Variants in TMEM117 observed in about 807,000 individuals in gnomAD.
TMEM117 encodes the protein transmembrane protein 117.
In TMEM117, 27 loss-of-function variants were observed where a neutral mutation model predicts 52.4. The observed-to-expected ratio is 0.51, with a 90% confidence interval of 0.38 to 0.71. The LOEUF is 0.71. Among genes scored for constraint, TMEM117 ranks in the 30% least tolerant of loss-of-function variants. TMEM117 has a pLI of 0.00. For synonymous variants in TMEM117, 215 were observed against 206.3 expected, an observed-to-expected ratio of 1.04 and a Z score of -0.36; for missense variants, 556 against 630.5, an observed-to-expected ratio of 0.88 and a Z score of 1.26.
At chr12:43,985,947 C>G (rs1456783784) in intron 3 of TMEM117, among the ~76,000 whole-genome samples, 1 of 152,152 alleles carries the variant, frequency 6.6e-6, no homozygotes, top group African/African-American at 2.4e-5. Context: ...TATAATTCTG[C>G]TATACTTGAA....
the TMEM117 span, among the ~76,000 whole-genome samples, chr12:43,807,987 T>C: frequency 6.6e-6 from 1 of 152,240 alleles, no homozygotes; most frequent in African/African-American, 2.4e-5. Flanking sequence ...ACCAACATCC[T>C]GTGTGACGAG....
chr12:44,345,252 G>A (rs546603359), intron 6 of TMEM117, among the ~76,000 whole-genome samples: 8 of 152,054 alleles, frequency 5.3e-5, no homozygotes, highest in African/African-American at 1.4e-4. Context: ...GTTTTCTGGC[G>A]GGAATATTGA....
intron 2 of TMEM117, among the ~76,000 whole-genome samples, chr12:43,943,006 G>A (rs906875152): frequency 6.6e-6 from 1 of 151,380 alleles, no homozygotes; most frequent in Non-Finnish European, 1.5e-5. Context: ...GTGAAACCCC[G>A]CCTCTACTAA....
chr12:44,123,243 G>GT (rs369011221), intron 3 of TMEM117, among the ~76,000 whole-genome samples: 14,867 of 144,824 alleles, frequency 0.1, 827 homozygotes, highest in Middle Eastern at 0.19. Context: ...TTTTTAATGG[G>GT]GTTTTTTTTT....
intron 5 of TMEM117, among the ~76,000 whole-genome samples, chr12:44,281,035 T>C (rs1223773483): frequency 1.3e-5 from 2 of 152,178 alleles, no homozygotes; most frequent in African/African-American, 4.8e-5. Flanking sequence ...GAATTAGTCT[T>C]AAATAAGTCA....
chr12:44,082,384 A>G (rs1368365733), intron 3 of TMEM117, among the ~76,000 whole-genome samples: 1 of 152,008 alleles, frequency 6.6e-6, no homozygotes, highest in African/African-American at 2.4e-5. Context: ...TATGGGTTCT[A>G]TAGCTACTGT....
intron 5 of TMEM117, among the ~76,000 whole-genome samples, chr12:44,254,863 G>A (rs945505511): frequency 5.9e-5 from 9 of 151,340 alleles, no homozygotes; most frequent in Non-Finnish European, 2.9e-5. Flanking sequence ...CTGTGTCCAT[G>A]TATTCTCATT....
chr12:44,388,757 G>A lies in TMEM117; in HGVS notation c.*85G>A, dbSNP rs914660803. On this transcript the variant is annotated 3_prime_UTR_variant, in exon 8 of 8. Transcript: ENST00000266534. The stretch of plus-strand genomic sequence containing the variant: ...TAGTCTTTCCTTTTGTATATGTAAG[G>A]TTTACGTAGTGTTAGGTAAAAATAT... 5 of 1,435,426 alleles carry A rather than the reference G, an allele frequency of 3.5e-6. No individual in the cohort carries two copies. Among genetic ancestry groups the A allele is most frequent in the Admixed American group, 4.3e-5 (2 of 46,744 alleles). 88.9% of individuals were successfully genotyped at this position (1,435,426 alleles called of 1,614,324 possible).
chr12:44,264,724 G>GA (rs1044392385), intron 5 of TMEM117, among the ~76,000 whole-genome samples: 2 of 151,728 alleles, frequency 1.3e-5, no homozygotes, highest in South Asian at 2.1e-4. Flanking sequence ...AACAGAAAAA[G>GA]AAAAAAATAT....
At chr12:43,805,609 C>T in the TMEM117 span, 1 of 477,218 alleles carries the variant, frequency 2.1e-6, no homozygotes, top group Non-Finnish European at 4.1e-6. Flanking sequence ...TACATGCAAC[C>T]ATACAGATCA....
chr12:43,827,593 CTTCTT>C, the TMEM117 span, among the ~76,000 whole-genome samples: 2 of 152,092 alleles, frequency 1.3e-5, no homozygotes, highest in Non-Finnish European at 2.9e-5. Flanking sequence ...AAGTAAATGA[CTTCTT>C]TTATGTATTT....
At chr12:44,175,743 G>A (rs1191916657) in intron 4 of TMEM117, among the ~76,000 whole-genome samples, 1 of 152,124 alleles carries the variant, frequency 6.6e-6, no homozygotes, top group Non-Finnish European at 1.5e-5. Context: ...GATGGAGGAG[G>A]GGCAGCAGAT....
At chr12:44,000,428 G>A (rs1463311464) in intron 3 of TMEM117, among the ~76,000 whole-genome samples, 1 of 152,150 alleles carries the variant, frequency 6.6e-6, no homozygotes, top group Non-Finnish European at 1.5e-5. Context: ...CTCAGGACTT[G>A]CTCCTCAGAC....
chr12:44,170,816 T>A (rs1337732198), intron 4 of TMEM117, among the ~76,000 whole-genome samples: 2 of 152,172 alleles, frequency 1.3e-5, no homozygotes, highest in Non-Finnish European at 2.9e-5. Flanking sequence ...GCGGAGTACC[T>A]TGTACCCTTC....
chr12:44,093,369 A>G (rs1947706263), intron 3 of TMEM117, among the ~76,000 whole-genome samples: 1 of 152,152 alleles, frequency 6.6e-6, no homozygotes, highest in Admixed American at 6.6e-5. Flanking sequence ...ATATAATTGT[A>G]TGATTTTTTA....
At chr12:44,394,030 TAAAAC>T (rs1273119722), downstream of TMEM117, among the ~76,000 whole-genome samples, 1 of 152,126 alleles carries the variant, frequency 6.6e-6, no homozygotes, top group Admixed American at 6.6e-5. Flanking sequence ...TTATGAATAT[TAAAAC>T]AAGGGAAAAA....
intron 7 of TMEM117, among the ~76,000 whole-genome samples, chr12:44,383,236 T>G (rs1027553482): frequency 2.0e-5 from 3 of 152,182 alleles, no homozygotes; most frequent in African/African-American, 7.2e-5. Context: ...AATATTATAT[T>G]TGCATATTTC....
chr12:44,343,852 A>G (rs746140748), intron 6 of TMEM117, among the ~76,000 whole-genome samples: 1 of 152,168 alleles, frequency 6.6e-6, no homozygotes, highest in Admixed American at 6.5e-5. Flanking sequence ...CCACTGGACT[A>G]TTTCAAGCCT....
rs147926752 is a variant in TMEM117 at position 43,892,156 on chromosome 12, A to G, written c.277+47228A>G. ...GACTCATGGCTGGGATTTATTATGG[A>G]GAAAGAATCTAAAAGAAAGTCAACT... On this transcript the variant is annotated intron_variant, in intron 2 of 7. Transcript: ENST00000266534. Among the ~76,000 whole-genome samples, 1,402 of 152,234 alleles carry G rather than the reference A, an allele frequency of 9.2e-3. 21 individuals are homozygous for G. Among genetic ancestry groups the G allele is most frequent in the African/African-American group, 0.03 (1,264 of 41,500 alleles).
Sources: allele counts gnomAD v4.1 joint callset (sites outside exome capture counted in the v4.1 genomes callset), GRCh38; gene constraint gnomAD v4.1.1; transcripts MANE v1.5; gene names NCBI Gene and HGNC (gene_info 2026-07-23, HGNC 2026-07-21).